EPS15: variants seen among roughly 807,000 people sequenced by gnomAD.
EPS15 encodes epidermal growth factor receptor substrate 15.
Under a neutral mutation model 113.8 loss-of-function variants are expected in EPS15, and 72 were observed. The observed-to-expected ratio is 0.63, with a 90% confidence interval of 0.52 to 0.77. The LOEUF is 0.77. Ranked by LOEUF, EPS15 falls within the 30% of genes least tolerant of loss-of-function variation. The pLI, the probability that EPS15 is intolerant of heterozygous loss-of-function variation, is 0.00. For missense variants in EPS15, 1,048 were observed against 1,045.8 expected (o/e 1.00, Z -0.03); for synonymous variants, 344 against 363.4 (o/e 0.95, Z 0.61).
chr1:51,445,171 G>A (rs760502806), intron 10 of EPS15, 126 bp from the exon 11 acceptor site: 1 of 836,214 alleles, frequency 1.2e-6, no homozygotes, highest in Non-Finnish European at 1.8e-6. Context: ...ACACCAACTT[G>A]CAGGTTATTA....
intron 21 of EPS15, among the ~76,000 whole-genome samples, chr1:51,376,011 G>C (rs1257813665): frequency 6.6e-6 from 1 of 152,190 alleles, no homozygotes; most frequent in Admixed American, 6.5e-5. Flanking sequence ...TTAGATAATT[G>C]ATCTATAAAG....
At chr1:51,391,498 G>T (rs1397375477) in intron 21 of EPS15, among the ~76,000 whole-genome samples, 2 of 139,158 alleles carry the variant, frequency 1.4e-5, no homozygotes, top group Non-Finnish European at 3.2e-5. Flanking sequence ...TAAAATAAAA[G>T]ATTTGTCAGA....
At chr1:51,439,644 T>A (rs564303477) in intron 12 of EPS15, among the ~76,000 whole-genome samples, 4 of 152,108 alleles carry the variant, frequency 2.6e-5, no homozygotes, top group Non-Finnish European at 4.4e-5. Flanking sequence ...ATATCTGCTA[T>A]ACTCAGATTC....
intron 1 of EPS15, among the ~76,000 whole-genome samples, chr1:51,487,456 T>C (rs972363331): frequency 6.6e-6 from 1 of 152,130 alleles, no homozygotes; most frequent in East Asian, 1.9e-4. Context: ...TCCAAAAATA[T>C]ATAGAATTTT....
At chr1:51,486,631 G>A (rs1371106044) in intron 1 of EPS15, among the ~76,000 whole-genome samples, 3 of 152,042 alleles carry the variant, frequency 2.0e-5, no homozygotes, top group African/African-American at 7.2e-5. Context: ...CAGGCAAAAG[G>A]ACACTGCCTG....
intron 12 of EPS15, 158 bp from the exon 13 acceptor site, chr1:51,422,016 T>C: frequency 4.6e-6 from 6 of 1,307,154 alleles, no homozygotes; most frequent in Non-Finnish European, 5.9e-6. Context: ...CAATTATTTA[T>C]GAAATAAAAA....
chr1:51,408,222 T>A lies in EPS15; in HGVS notation c.1386A>T (p.Ala462=), dbSNP rs1370320828. The change falls in exon 15 of 25, where the codon GCA becomes GCT. Residue 462 remains alanine, a synonymous_variant. Transcript: ENST00000371733. The part of the protein sequence containing the change: ...EELSRLQQET[A]ELEESVESGK... ...CTGACTCTACACTCTCCTCCAATTC[T>A]GCTGTTTCTTGCTGTAGACGGCTCA... The A allele has an allele frequency of 3.7e-6, 6 of 1,613,992 alleles. No individual in the cohort carries two copies. In the East Asian group the frequency reaches 1.3e-4, roughly 36 times the overall value.
chr1:51,466,466 A>G (rs1459691021), intron 5 of EPS15, among the ~76,000 whole-genome samples: 2 of 151,784 alleles, frequency 1.3e-5, no homozygotes, highest in South Asian at 2.1e-4. Context: ...TACCACCAAA[A>G]AAAAAATTTA....
chr1:51,489,186 G>A (rs1012726488), intron 1 of EPS15, among the ~76,000 whole-genome samples: 69 of 148,590 alleles, frequency 4.6e-4, no homozygotes, highest in African/African-American at 1.6e-3. Context: ...TTTTTGTTAA[G>A]GAAAAAATAT....
At chr1:51,508,074 C>A (rs757932599) in intron 1 of EPS15, among the ~76,000 whole-genome samples, 5 of 151,378 alleles carry the variant, frequency 3.3e-5, no homozygotes, top group Non-Finnish European at 7.4e-5. Flanking sequence ...CCCAGCTACT[C>A]AGGAGGCTGA....
chr1:51,471,523 T>TA (rs1382614842), intron 4 of EPS15, among the ~76,000 whole-genome samples, 167 bp downstream of exon 4: 1 of 152,224 alleles, frequency 6.6e-6, no homozygotes, highest in African/African-American at 2.4e-5. Flanking sequence ...TGTTAAGACT[T>TA]ATATTAACAT....
rs760930007 is a variant in EPS15 at position 51,444,908 on chromosome 1, T to C, written c.935A>G (p.Asp312Gly). 10 of 1,613,942 alleles carry C rather than the reference T, an allele frequency of 6.2e-6. No individual in the cohort carries two copies. Among genetic ancestry groups the C allele is most frequent in the Admixed American group, 1.7e-5 (1 of 60,000 alleles). The stretch of plus-strand genomic sequence containing the variant: ...TCTTACCTTTTGTAAACTGGCCCTG[T>C]CTGATGGTGGAATCATTTCAGGAGT... ...VLTPEMIPPSDRASLQKNIIG... is the reference protein window; with the variant it reads ...VLTPEMIPPSGRASLQKNIIG... Residue 312 changes from aspartate to glycine, a missense_variant, in exon 11 of 25, where the codon GAC (aspartate) becomes GGC (glycine). By Grantham distance (94) the Asp-to-Gly change is moderately conservative. Transcript: ENST00000371733.
intron 2 of EPS15, among the ~76,000 whole-genome samples, chr1:51,475,033 A>C (rs2148515333): frequency 6.6e-6 from 1 of 152,280 alleles, no homozygotes; most frequent in Non-Finnish European, 1.5e-5. Flanking sequence ...ATGGCTGCAT[A>C]GTATTCCATG....
chr1:51,458,735 T>TA (rs770011870), intron 8 of EPS15: 3,101 of 185,934 alleles, frequency 0.017, 1 homozygote, highest in South Asian at 0.05. Flanking sequence ...AGACTCCGTC[T>TA]AAAAAAAAAA....
chr1:51,474,981 T>C (rs1655555528), intron 2 of EPS15, among the ~76,000 whole-genome samples: 2 of 152,260 alleles, frequency 1.3e-5, no homozygotes, highest in South Asian at 4.1e-4. Flanking sequence ...GGTTTCCAGC[T>C]TCATCCACAT....
chr1:51,459,672 T>A (rs1654284609), intron 8 of EPS15, among the ~76,000 whole-genome samples: 1 of 152,140 alleles, frequency 6.6e-6, no homozygotes, highest in South Asian at 2.1e-4. Context: ...TTATAGACTA[T>A]ATTTTTCTAG....
At chr1:51,371,274 C>T (rs1043590218) in intron 21 of EPS15, among the ~76,000 whole-genome samples, 6 of 152,050 alleles carry the variant, frequency 3.9e-5, no homozygotes, top group Non-Finnish European at 1.5e-5. Flanking sequence ...TGAAAAAGAG[C>T]CTCAGGCAGG....
At position 51,385,563 on chromosome 1, in the gene EPS15, C is replaced by T. The variant is rs79908551; in HGVS notation, c.2119+8818G>A. Reference sequence around the variant, plus strand: ...CAGCAATTCTACTTTTAGAATTATACCCAAAAGAACTGAAAGCAGGGACTC... The same window carrying T: ...CAGCAATTCTACTTTTAGAATTATATCCAAAAGAACTGAAAGCAGGGACTC... On this transcript the variant is annotated intron_variant, in intron 21 of 24. Transcript: ENST00000371733. 7.1e-3 allele frequency among the ~76,000 whole-genome samples: 1,080 copies of T among 152,198 alleles called. 7 individuals carry two copies. Among genetic ancestry groups the T allele is most frequent in the African/African-American group, 0.025 (1,036 of 41,526 alleles).
chr1:51,429,261 G>C (rs145508109), intron 12 of EPS15, among the ~76,000 whole-genome samples: 1 of 152,168 alleles, frequency 6.6e-6, no homozygotes, highest in East Asian at 1.9e-4. Flanking sequence ...GAGATTCATA[G>C]TGGTGATAAC....
Sources: gnomAD v4.1 joint callset for allele counts (sites outside exome capture counted in the v4.1 genomes callset) on GRCh38, gnomAD v4.1.1 for gene constraint, MANE v1.5 for transcripts, NCBI Gene and HGNC (gene_info 2026-07-23, HGNC 2026-07-21) for gene names.